HERC4: variants seen among roughly 807,000 people sequenced by gnomAD.
The protein encoded by HERC4 is probable E3 ubiquitin-protein ligase HERC4.
In HERC4, 28 loss-of-function variants were observed where a neutral mutation model predicts 124.3. That is an observed-to-expected ratio of 0.23 (90% CI 0.17 to 0.31). HERC4 has a LOEUF of 0.31. Ranked by LOEUF, HERC4 falls within the 10% of genes least tolerant of loss-of-function variation. The probability of loss-of-function intolerance (pLI) is 1.00; values close to 1 mark genes in which losing one functional copy is unlikely to be tolerated. For synonymous variants in HERC4, 407 were observed against 421.5 expected (o/e 0.97, Z 0.42); for missense variants, 713 against 1,229.3 (o/e 0.58, Z 6.28).
intron 9 of HERC4, among the ~76,000 whole-genome samples, chr10:68,004,512 G>C (rs2037423596): frequency 6.6e-6 from 1 of 152,098 alleles, no homozygotes; most frequent in Admixed American, 6.6e-5. Flanking sequence ...TCTTGTCATA[G>C]TTTCAGGTCT....
chr10:68,009,956 T>C (rs898067680), intron 9 of HERC4, among the ~76,000 whole-genome samples: 4 of 152,136 alleles, frequency 2.6e-5, no homozygotes, highest in African/African-American at 9.7e-5. Flanking sequence ...CTCTACCTAC[T>C]GTGTCCCAGT....
intron 19 of HERC4, chr10:67,954,062 A>G (rs992139614): frequency 6.6e-6 from 1 of 152,222 alleles, no homozygotes; most frequent in Non-Finnish European, 1.5e-5. Flanking sequence ...AACTTTCTAT[A>G]AAGAACCAGA....
chr10:67,943,854 C>G (rs2033115735), intron 19 of HERC4, among the ~76,000 whole-genome samples: 1 of 152,240 alleles, frequency 6.6e-6, no homozygotes, highest in African/African-American at 2.4e-5. Flanking sequence ...AGGTCCCCAC[C>G]TAATTATTCT....
chr10:67,941,902 C>CA (rs2032938133), intron 19 of HERC4, among the ~76,000 whole-genome samples: 2 of 151,992 alleles, frequency 1.3e-5, no homozygotes, highest in African/African-American at 2.4e-5. Flanking sequence ...GTGATCTGCT[C>CA]ACGTCAGCCT....
chr10:68,045,188 T>A (rs1270531428), intron 3 of HERC4, among the ~76,000 whole-genome samples: 4 of 152,044 alleles, frequency 2.6e-5, no homozygotes, highest in Non-Finnish European at 5.9e-5. Context: ...GGGTGTGTGG[T>A]GGTGCACGCC....
At chr10:68,015,792 G>C (rs1355714378) in intron 8 of HERC4, among the ~76,000 whole-genome samples, 1 of 152,124 alleles carries the variant, frequency 6.6e-6, no homozygotes, top group African/African-American at 2.4e-5. Flanking sequence ...AATCATCTTG[G>C]GGTGAATCTA....
In HERC4 at chr10:67,991,137, T is replaced by C. The variant is rs759602945; in HGVS notation, c.1331+3A>G. On this transcript the variant is annotated splice_donor_region_variant and intron_variant, in intron 12 of 24. Transcript: ENST00000373700. ...TTCAGCATATTAAAGAATTGCCACT[T>C]ACCTAACAGCTAAAAAACTTCCATT... is the stretch of plus-strand genomic sequence containing the variant. 1.3e-6 allele frequency: 2 copies of C among 1,526,142 alleles called. No individual in the cohort carries two copies. The highest frequency in any genetic ancestry group is 2.3e-5 in the East Asian group (1 of 43,246). The allele number at this position is 1,526,142 out of a possible 1,614,324, so 94.5% of individuals were successfully genotyped here. A position where few individuals can be genotyped will look rare whatever the true frequency, so the allele number is the denominator to read the frequency against.
At chr10:68,038,905 A>G (rs1387342803) in intron 4 of HERC4, among the ~76,000 whole-genome samples, 1 of 152,166 alleles carries the variant, frequency 6.6e-6, no homozygotes, top group Non-Finnish European at 1.5e-5. Context: ...ACAAAACTCA[A>G]TTAACTTTGT....
At chr10:67,946,200 A>G (rs2033312958) in intron 19 of HERC4, among the ~76,000 whole-genome samples, 1 of 151,772 alleles carries the variant, frequency 6.6e-6, no homozygotes, top group Non-Finnish European at 1.5e-5. Flanking sequence ...GTGAGTTGTG[A>G]TCACACCACT....
chr10:67,984,646 G>A (rs1248219263), intron 15 of HERC4, among the ~76,000 whole-genome samples: 3 of 152,050 alleles, frequency 2.0e-5, no homozygotes, highest in African/African-American at 4.8e-5. Flanking sequence ...GCAATGGCAC[G>A]ATTTCGACTC....
intron 6 of HERC4, 93 bp downstream of exon 6, chr10:68,033,872 T>C (rs897563518): frequency 1.1e-5 from 11 of 1,016,904 alleles, no homozygotes; most frequent in African/African-American, 1.6e-5. Flanking sequence ...CCAGGGAAGA[T>C]ACATTTCTCT....
intron 8 of HERC4, among the ~76,000 whole-genome samples, chr10:68,020,701 G>A (rs113490463): frequency 0.075 from 11,333 of 150,730 alleles, 1,108 homozygotes; most frequent in African/African-American, 0.23. Flanking sequence ...CCCGGGAGGC[G>A]GAGCTTGCAA....
intron 3 of HERC4, among the ~76,000 whole-genome samples, chr10:68,059,630 CATAATATTATATATT>C (rs2040802360): frequency 2.8e-5 from 2 of 72,344 alleles, no homozygotes; most frequent in African/African-American, 1.7e-4. Context: ...TATTATATAT[CATAATATTATATATT>C]ATATTATATA....
At chr10:67,972,814 C>T (rs1036014648) in intron 15 of HERC4, among the ~76,000 whole-genome samples, 12 of 152,020 alleles carry the variant, frequency 7.9e-5, no homozygotes, top group African/African-American at 2.9e-4. Context: ...TTTGACTGGA[C>T]TCTAGTTATT....
chr10:68,064,981 A>G (rs2041229663), intron 3 of HERC4, among the ~76,000 whole-genome samples: 3 of 152,072 alleles, frequency 2.0e-5, no homozygotes, highest in Non-Finnish European at 4.4e-5. Flanking sequence ...AAAAAAAAAA[A>G]AAAATCCAAA....
intron 3 of HERC4, among the ~76,000 whole-genome samples, chr10:68,056,354 T>C (rs1474424782): frequency 6.6e-6 from 1 of 152,188 alleles, no homozygotes; most frequent in Non-Finnish European, 1.5e-5. Flanking sequence ...CATGTGTTCA[T>C]TCAACAACCC....
At chr10:67,990,839 C>T (rs2036512597) in intron 13 of HERC4, 65 bp downstream of exon 13, 3 of 944,234 alleles carry the variant, frequency 3.2e-6, no homozygotes, top group Non-Finnish European at 3.1e-6. Context: ...AGGCTATAAA[C>T]GTATAAAACA....
intron 19 of HERC4, among the ~76,000 whole-genome samples, chr10:67,951,080 A>G (rs2033757071): frequency 6.6e-6 from 1 of 152,224 alleles, no homozygotes; most frequent in South Asian, 2.1e-4. Flanking sequence ...TCACCAGCCA[A>G]GGTGAGATAG....
In HERC4 at chr10:67,988,823, G is replaced by T; in HGVS notation, c.1646C>A (p.Ser549Ter). The change falls in exon 15 of 25, where the codon TCA becomes TAA. Residue 549 changes from serine to a stop codon, truncating the protein, a stop_gained. Transcript: ENST00000373700. LOFTEE classifies it high-confidence loss of function. ...APLKVLENWW[S>*]VLEPPLFLKI... is the part of the protein sequence containing the mutation. ...GAGGAATAGTGGAGGTTCAAGTACT[G>T]ACCACCAGTTTTCTGTTATTAAAAA... The T allele has an allele frequency of 1.3e-6, 2 of 1,585,260 alleles. No individual in the cohort carries two copies. Among genetic ancestry groups the T allele is most frequent in the South Asian group, 2.4e-5 (2 of 85,082 alleles).
Sources: gnomAD v4.1 joint callset for allele counts (sites outside exome capture counted in the v4.1 genomes callset) on GRCh38, gnomAD v4.1.1 for gene constraint, MANE v1.5 for transcripts, NCBI Gene and HGNC (gene_info 2026-07-23, HGNC 2026-07-21) for gene names.